NINJ1: variants seen among roughly 807,000 people sequenced by gnomAD.
NINJ1 encodes the protein ninjurin 1.
NINJ1 carries 6 observed loss-of-function variants against 12.7 expected under a neutral mutation model. The observed-to-expected ratio is 0.47, with a 90% CI of 0.26 to 0.93. The LOEUF (loss-of-function observed/expected upper bound fraction) is 0.93. NINJ1 is among the 40% of genes least tolerant of loss of function. The probability of loss-of-function intolerance (pLI) is 0.15; values close to 1 mark genes in which losing one functional copy is unlikely to be tolerated. For synonymous variants in NINJ1, 100 were observed against 96.0 expected (o/e 1.04, Z -0.25); for missense variants, 170 against 213.0 (o/e 0.80, Z 1.26).
chr9:93,123,427 G>T (rs936111828), intron 3 of NINJ1, among the ~76,000 whole-genome samples: 4 of 152,196 alleles, frequency 2.6e-5, no homozygotes, highest in African/African-American at 9.7e-5. Context: ...TGGGATTACA[G>T]GCATGCGCCA....
chr9:93,129,353 C>T (rs542053343), intron 1 of NINJ1, among the ~76,000 whole-genome samples: 97 of 152,356 alleles, frequency 6.4e-4, no homozygotes, highest in Admixed American at 1.4e-3. Context: ...CTTTGTGCCT[C>T]AGTCTTCCAT....
At chr9:93,129,214 C>T (rs370944081) in intron 1 of NINJ1, among the ~76,000 whole-genome samples, 2 of 152,196 alleles carry the variant, frequency 1.3e-5, no homozygotes, top group Admixed American at 6.5e-5. Flanking sequence ...CAAGTGAGGG[C>T]TTGGCTAGGA....
chr9:93,124,593 T>TA (rs58731484), intron 3 of NINJ1, among the ~76,000 whole-genome samples: 19 of 151,614 alleles, frequency 1.3e-4, no homozygotes, highest in African/African-American at 3.6e-4. Flanking sequence ...TTTTTTTTTT[T>TA]ATCGGACAGA....
At position 93,124,918 on chromosome 9, in the gene NINJ1, G is replaced by A; in HGVS notation, c.449C>T (p.Pro150Leu). The A allele has an allele frequency of 6.2e-7, 1 of 1,610,812 alleles. No individual in the cohort carries two copies. Among genetic ancestry groups the A allele is most frequent in the South Asian group, 1.1e-5 (1 of 90,644 alleles). The stretch of plus-strand genomic sequence containing the variant: ...GCTCACCTGGGTGTCCTACTGCTGG[G>A]GTGCCATGTCCATCAAGGGCTTCTG... ...GVQKPLMDMAPQQ is the reference protein window; with the variant it reads ...GVQKPLMDMALQQ Residue 150 changes from proline to leucine, a missense_variant, in exon 3 of 4, where the codon CCC becomes CTC. Pro to Leu is a moderately conservative substitution (Grantham distance 98, BLOSUM62 -3). Coordinates refer to ENST00000375446, the MANE Select transcript of NINJ1 (RefSeq NM_004148.4).
Position 93,125,048 on chromosome 9 carries a change from T to C in NINJ1, c.319A>G (p.Asn107Asp). 3 of 1,613,032 alleles carry C rather than the reference T, an allele frequency of 1.9e-6. No individual in the cohort carries two copies. The highest frequency in any genetic ancestry group is 2.5e-6 in the Non-Finnish European group (3 of 1,179,420). The change falls in exon 3 of 4, where the codon AAC (asparagine) becomes GAC (aspartate). Residue 107 changes from asparagine (N) to aspartate (D), a missense_variant. Asn to Asp is a conservative substitution (Grantham distance 23, BLOSUM62 1). Coordinates refer to ENST00000375446, the MANE Select transcript of NINJ1 (RefSeq NM_004148.4). ...AGCTTGGCGTGCTTGGCCGGGTTGTTAAGGTCGTACTTGACTGTGGGCGAG... is the reference window on the plus strand; with the variant it reads ...AGCTTGGCGTGCTTGGCCGGGTTGTCAAGGTCGTACTTGACTGTGGGCGAG... ...LLIFLVKYDLNNPAKHAKLDF... is the reference protein window; with the variant it reads ...LLIFLVKYDLDNPAKHAKLDF...
chr9:93,126,664 G>T, intron 1 of NINJ1, 26 bp from the exon 2 acceptor site: 1 of 1,559,370 alleles, frequency 6.4e-7, no homozygotes, highest in Non-Finnish European at 8.7e-7. Context: ...TGGTCAGCAA[G>T]GCGGGTGGGG....
intron 2 of NINJ1, 88 bp downstream of exon 2, chr9:93,126,322 G>T: frequency 8.6e-7 from 1 of 1,167,562 alleles, no homozygotes; most frequent in Non-Finnish European, 1.2e-6. Context: ...AGCCAAGTGT[G>T]CAAGGTGGTG....
At chr9:93,133,780 G>A (rs917059902) in intron 1 of NINJ1, among the ~76,000 whole-genome samples, 1 of 152,214 alleles carries the variant, frequency 6.6e-6, no homozygotes, top group Non-Finnish European at 1.5e-5. Context: ...GCTGAAGTTA[G>A]AGAGGCCCGC....
At chr9:93,133,105 G>T (rs552767716) in intron 1 of NINJ1, among the ~76,000 whole-genome samples, 1 of 152,262 alleles carries the variant, frequency 6.6e-6, no homozygotes, top group Non-Finnish European at 1.5e-5. Flanking sequence ...CTGGGGTCCC[G>T]CACACCGGTC....
intron 1 of NINJ1, among the ~76,000 whole-genome samples, chr9:93,127,601 G>A (rs934348128): frequency 2.6e-5 from 4 of 152,182 alleles, no homozygotes; most frequent in African/African-American, 7.2e-5. Context: ...TCTTTCTCTG[G>A]AGCAAGAGTC....
At position 93,124,914 on chromosome 9, in the gene NINJ1, C is replaced by T; in HGVS notation, c.453G>A (p.Gln151=). The part of the protein sequence containing the change: ...VQKPLMDMAP[Q]Q ...CCCAGCTCACCTGGGTGTCCTACTG[C>T]TGGGGTGCCATGTCCATCAAGGGCT... is the stretch of plus-strand genomic sequence containing the variant. The change falls in exon 3 of 4, where the codon CAG becomes CAA. Residue 151 remains glutamine, a synonymous_variant. Coordinates refer to ENST00000375446, the MANE Select transcript of NINJ1 (RefSeq NM_004148.4). 2.5e-6 allele frequency: 4 copies of T among 1,609,562 alleles called. No individual in the cohort carries two copies. Among genetic ancestry groups the T allele is most frequent in the Non-Finnish European group, 3.4e-6 (4 of 1,177,624 alleles).
intron 1 of NINJ1, among the ~76,000 whole-genome samples, chr9:93,127,065 C>T (rs574694101): frequency 1.3e-5 from 2 of 152,266 alleles, no homozygotes; most frequent in East Asian, 1.9e-4. Context: ...GATCTGTGCA[C>T]ACCGGCCCAG....
intron 3 of NINJ1, among the ~76,000 whole-genome samples, chr9:93,122,522 A>C (rs2130744893): frequency 6.7e-6 from 1 of 149,278 alleles, no homozygotes; most frequent in Non-Finnish European, 1.5e-5. Flanking sequence ...ACAAGCCCCG[A>C]GTGTCAGGGC....
intron 3 of NINJ1, among the ~76,000 whole-genome samples, chr9:93,122,714 C>T (rs933812935): frequency 6.6e-6 from 1 of 152,176 alleles, no homozygotes; most frequent in Non-Finnish European, 1.5e-5. Flanking sequence ...TGACCATAGC[C>T]ACCCACGAAG....
intron 3 of NINJ1, among the ~76,000 whole-genome samples, chr9:93,124,026 G>A (rs575180081): frequency 1.3e-5 from 2 of 152,370 alleles, no homozygotes; most frequent in Admixed American, 6.5e-5. Context: ...TCCAGCCTAA[G>A]GCAGGCAGCT....
intron 1 of NINJ1, among the ~76,000 whole-genome samples, chr9:93,132,960 G>A (rs1827918662): frequency 6.6e-6 from 1 of 152,212 alleles, no homozygotes; most frequent in Non-Finnish European, 1.5e-5. Flanking sequence ...AGGCAGGAGA[G>A]ACCCTTTGTT....
chr9:93,132,445 A>G (rs1375038033), intron 1 of NINJ1, among the ~76,000 whole-genome samples: 1 of 151,020 alleles, frequency 6.6e-6, no homozygotes, highest in Non-Finnish European at 1.5e-5. Flanking sequence ...CTTTGCTCCC[A>G]CTGTTCCCTC....
rs749233395 is a variant in NINJ1, at chr9:93,125,149, C to T, written c.305-87G>A. The T allele has an allele frequency of 3.2e-5, 44 of 1,370,630 alleles. 1 individual carries two copies. The highest frequency in any genetic ancestry group is 1.9e-4 in the Middle Eastern group (1 of 5,362). The allele number at this position is 1,370,630 out of a possible 1,614,324, so 84.9% of individuals were successfully genotyped here. On this transcript the variant is annotated intron_variant, in intron 2 of 3. Transcript: ENST00000375446. ...GACAGTGGAAGGGGACCCACCCCAGCGGTCAAGCTGTCCTGGGACATTACA... is the reference window on the plus strand; with the variant it reads ...GACAGTGGAAGGGGACCCACCCCAGTGGTCAAGCTGTCCTGGGACATTACA...
intron 1 of NINJ1, among the ~76,000 whole-genome samples, chr9:93,133,362 A>G (rs1292813804): frequency 6.6e-6 from 1 of 152,238 alleles, no homozygotes; most frequent in African/African-American, 2.4e-5. Context: ...AGGGGGTTAG[A>G]AAAGGAAAGA....
Sources: gnomAD v4.1 joint callset for allele counts (sites outside exome capture counted in the v4.1 genomes callset) on GRCh38, gnomAD v4.1.1 for gene constraint, MANE v1.5 for transcripts, NCBI Gene and HGNC (gene_info 2026-07-23, HGNC 2026-07-21) for gene names.